PCDHA13: variants seen among roughly 807,000 people sequenced by gnomAD.
PCDHA13 encodes protocadherin alpha-13.
PCDHA13 carries 54 observed loss-of-function variants against 64.8 expected under a neutral mutation model. The ratio of observed to expected loss-of-function variants is 0.83; its 90% confidence interval spans 0.67 to 1.04. The LOEUF is 1.04. Ranked by LOEUF, PCDHA13 falls within the 50% of genes least tolerant of loss-of-function variation. The pLI is 0.00. For synonymous variants in PCDHA13, 587 were observed against 564.4 expected (o/e 1.04, Z -0.57); for missense variants, 1,248 against 1,254.3 (o/e 0.99, Z 0.08).
intron 1 of PCDHA13, among the ~76,000 whole-genome samples, chr5:140,965,185 CAT>C (rs782612335): frequency 4.6e-5 from 7 of 152,138 alleles, no homozygotes; most frequent in Non-Finnish European, 1.0e-4. Flanking sequence ...TTTTTTTGCA[CAT>C]GAGGCAATAG....
At chr5:140,973,492 T>C (rs2096590680) in intron 1 of PCDHA13, among the ~76,000 whole-genome samples, 1 of 152,192 alleles carries the variant, frequency 6.6e-6, no homozygotes, top group African/African-American at 2.4e-5. Context: ...GTCACAGGAC[T>C]CTTCTTCTGA....
rs782568393 is a variant in PCDHA13 at position 141,011,637 on chromosome 5, C to G, written c.*1700C>G. The G allele has an allele frequency of 2.0e-5, 3 of 153,526 alleles. No homozygotes were observed. Among genetic ancestry groups the G allele is most frequent in the Non-Finnish European group, 4.4e-5 (3 of 68,022 alleles). The allele number at this position is 153,526 out of a possible 1,614,324, so 9.5% of individuals were successfully genotyped here. ...GGTCCAGCCAAGAGCCATCTCGTGC[C>G]AAGACTTCTGCTGGCAAGGGAATGG... is the stretch of plus-strand genomic sequence containing the variant. On this transcript the variant is annotated 3_prime_UTR_variant, in exon 4 of 4. Transcript: ENST00000289272.
chr5:141,008,597 C>T (rs1485271666), intron 3 of PCDHA13, among the ~76,000 whole-genome samples: 1 of 152,224 alleles, frequency 6.6e-6, no homozygotes, highest in East Asian at 1.9e-4. Flanking sequence ...GATTTCACCT[C>T]CTCTGGAACC....
intron 3 of PCDHA13, among the ~76,000 whole-genome samples, chr5:141,002,367 A>T (rs2098076282): frequency 6.6e-6 from 1 of 152,248 alleles, no homozygotes; most frequent in African/African-American, 2.4e-5. Context: ...CTTTCAACTC[A>T]TTCTGGCTTA....
intron 1 of PCDHA13, chr5:140,969,008 G>A (rs782541476): frequency 6.2e-7 from 1 of 1,614,194 alleles, no homozygotes; most frequent in Non-Finnish European, 8.5e-7. Context: ...CTTCTGTGGA[G>A]TAAGGGAAAG....
chr5:140,953,127 G>A (rs909395659), intron 1 of PCDHA13, among the ~76,000 whole-genome samples: 2 of 152,060 alleles, frequency 1.3e-5, no homozygotes, highest in African/African-American at 4.8e-5. Flanking sequence ...GATCTAAACC[G>A]TATCACTGTT....
rs151249575 is a variant in PCDHA13, at chr5:140,920,220, T to TTATA, written c.2394+35559_2394+35562dup. 8.8e-3 allele frequency among the ~76,000 whole-genome samples: 1,344 copies of TTATA among 152,322 alleles called. 13 individuals carry two copies. The highest frequency in any genetic ancestry group is 0.031 in the African/African-American group (1,300 of 41,558). On this transcript the variant is annotated intron_variant, in intron 1 of 3. Coordinates refer to ENST00000289272, the MANE Select transcript of PCDHA13 (RefSeq NM_018904.3). ...GCAGCCACAGAAAACCAATGCACAT[T>TTATA]TATAGTATTATATACCCAACAATAC...
intron 1 of PCDHA13, among the ~76,000 whole-genome samples, chr5:140,935,702 T>C (rs975188692): frequency 1.3e-5 from 2 of 152,152 alleles, no homozygotes; most frequent in Admixed American, 1.3e-4. Context: ...AATAAACTTA[T>C]AAAACAAAAT....
intron 1 of PCDHA13, among the ~76,000 whole-genome samples, chr5:140,913,435 C>T (rs2153526525): frequency 6.6e-6 from 1 of 152,202 alleles, no homozygotes; most frequent in South Asian, 2.1e-4. Context: ...GTAATGCCTC[C>T]TTTTTCAGCT....
intron 1 of PCDHA13, among the ~76,000 whole-genome samples, chr5:140,948,360 C>T (rs1258504765): frequency 6.6e-6 from 1 of 151,494 alleles, no homozygotes; most frequent in Non-Finnish European, 1.5e-5. Context: ...AATAAAATGA[C>T]TTAGGAGGTG....
In PCDHA13 at chr5:140,950,041, A is replaced by G. The variant is rs139296187; in HGVS notation, c.2395-28908A>G. Among the ~76,000 whole-genome samples, 1,151 of 152,070 alleles carry G rather than the reference A, an allele frequency of 7.6e-3. 13 individuals carry two copies. The highest frequency in any genetic ancestry group is 0.01 in the Non-Finnish European group (711 of 67,812). On this transcript the variant is annotated intron_variant, in intron 1 of 3. Transcript: ENST00000289272. ...CATAAAATATAGAAAAGTTACAACC[A>G]TATAAGACTATTTAGCTCTTCCTGT... is the stretch of plus-strand genomic sequence containing the variant.
chr5:140,890,439 A>G (rs114755692), intron 1 of PCDHA13, among the ~76,000 whole-genome samples: 1 of 152,210 alleles, frequency 6.6e-6, no homozygotes, highest in Non-Finnish European at 1.5e-5. Context: ...TACAATACCT[A>G]GTGATATCTT....
chr5:140,960,588 T>A (rs2095557494), intron 1 of PCDHA13, among the ~76,000 whole-genome samples: 1 of 152,166 alleles, frequency 6.6e-6, no homozygotes, highest in African/African-American at 2.4e-5. Flanking sequence ...ACAGTTCAAA[T>A]TCAAGGTACT....
Position 140,907,311 on chromosome 5 carries a change from T to C in PCDHA13, c.2394+22649T>C, listed in dbSNP as rs534638330. Among the ~76,000 whole-genome samples the C allele has an allele frequency of 5.9e-5, 9 of 152,292 alleles. No individual in the cohort carries two copies. The East Asian group carries it at 1.7e-3, about 29-fold the overall frequency. On this transcript the variant is annotated intron_variant, in intron 1 of 3. Coordinates refer to ENST00000289272, the MANE Select transcript of PCDHA13 (RefSeq NM_018904.3). Reference sequence around the variant, plus strand: ...AGCTGCTTCAGGATGATGGGGAACATGTAAAGACCAGTGAATTCCATATGC... The same window carrying C: ...AGCTGCTTCAGGATGATGGGGAACACGTAAAGACCAGTGAATTCCATATGC...
intron 1 of PCDHA13, chr5:140,929,668 A>G (rs1554207270): frequency 3.1e-6 from 1 of 324,518 alleles, no homozygotes; most frequent in East Asian, 5.3e-5. Flanking sequence ...AAAGTGAAGA[A>G]TGAAAAATAT....
intron 1 of PCDHA13, chr5:140,966,281 G>C (rs1261464121): frequency 8.2e-5 from 30 of 366,710 alleles, no homozygotes; most frequent in Non-Finnish European, 1.3e-4. Flanking sequence ...TGGACAGTGG[G>C]GGTAGGGAGA....
chr5:140,933,715 G>C (rs1292658358), intron 1 of PCDHA13, among the ~76,000 whole-genome samples: 1 of 151,902 alleles, frequency 6.6e-6, no homozygotes, highest in Non-Finnish European at 1.5e-5. Flanking sequence ...ACTGAGATTG[G>C]TGATACAGCT....
chr5:140,954,842 T>C (rs1483926115), intron 1 of PCDHA13, among the ~76,000 whole-genome samples: 1 of 152,252 alleles, frequency 6.6e-6, no homozygotes, highest in Non-Finnish European at 1.5e-5. Flanking sequence ...ATGAAATCTT[T>C]GCCTGTGCCT....
At chr5:140,978,782 A>C (rs782295456) in intron 1 of PCDHA13, 167 bp from the exon 2 acceptor site, 1 of 971,546 alleles carries the variant, frequency 1.0e-6, no homozygotes, top group African/African-American at 1.8e-5. Flanking sequence ...TTTTCTTCTA[A>C]AGTGCTATAT....
Sources: allele counts gnomAD v4.1 joint callset (sites outside exome capture counted in the v4.1 genomes callset), GRCh38; gene constraint gnomAD v4.1.1; transcripts MANE v1.5; gene names NCBI Gene and HGNC (gene_info 2026-07-23, HGNC 2026-07-21).